TRIOBP: variants seen among roughly 807,000 people sequenced by gnomAD.
The protein encoded by TRIOBP is TRIO and F-actin binding protein.
TRIOBP carries 169 observed loss-of-function variants against 238.8 expected under a neutral mutation model. That is an observed-to-expected ratio of 0.71 (90% confidence interval 0.62 to 0.80). The LOEUF (loss-of-function observed/expected upper bound fraction) is 0.80. TRIOBP is among the 30% of genes least tolerant of loss of function. The probability of loss-of-function intolerance (pLI) is 0.00; values close to 1 mark genes in which losing one functional copy is unlikely to be tolerated. For missense variants in TRIOBP, 2,838 were observed against 3,122.6 expected, an observed-to-expected ratio of 0.91 and a Z score of 2.17; for synonymous variants, 1,150 against 1,274.4, an observed-to-expected ratio of 0.90 and a Z score of 2.08.
At chr22:37,712,957 AAAATAAATAAATAAATAAATAAAT>A (rs368169188) in intron 4 of TRIOBP, among the ~76,000 whole-genome samples, 2 of 138,388 alleles carry the variant, frequency 1.4e-5, no homozygotes, top group Admixed American at 7.1e-5. Context: ...ACTCTGTCTC[AAAATAAATAAATAAATAAATAAAT>A]AAATAAATAA....
intron 12 of TRIOBP, among the ~76,000 whole-genome samples, chr22:37,752,284 A>G (rs560510085): frequency 1.3e-5 from 2 of 152,308 alleles, no homozygotes; most frequent in Non-Finnish European, 2.9e-5. Flanking sequence ...CGTCTGTGAC[A>G]TGGGCATAAT....
At chr22:37,718,443 A>G (rs1427110969) in intron 6 of TRIOBP, among the ~76,000 whole-genome samples, 1 of 152,114 alleles carries the variant, frequency 6.6e-6, no homozygotes, top group African/African-American at 2.4e-5. Flanking sequence ...ACTGAGAGAA[A>G]GGCACCCTTA....
At chr22:37,759,530 G>A (rs771464737) in intron 17 of TRIOBP, 71 of 1,604,414 alleles carry the variant, frequency 4.4e-5, no homozygotes, top group Non-Finnish European at 5.3e-5. Flanking sequence ...GGATTTGAGC[G>A]AGGGTCCGGC....
At chr22:37,704,863 T>C (rs1922850825) in intron 3 of TRIOBP, among the ~76,000 whole-genome samples, 1 of 150,558 alleles carries the variant, frequency 6.6e-6, no homozygotes, top group South Asian at 2.1e-4. Flanking sequence ...ACTCAGGAGT[T>C]TGAGACCAGC....
intron 16 of TRIOBP, 29 bp downstream of exon 16, chr22:37,758,167 GC>G (rs1183975486): frequency 3.7e-6 from 6 of 1,609,350 alleles, no homozygotes; most frequent in Non-Finnish European, 5.1e-6. Context: ...TCTCTAGGAG[GC>G]CCCTTGCCCC....
rs911726704 is a variant in TRIOBP, at chr22:37,765,529, A to G, written c.6325-141A>G. 3.7e-6 allele frequency: 4 copies of G among 1,087,504 alleles called. No homozygotes were observed. The African/African-American group carries it at 4.7e-5, about 13-fold the overall frequency. The allele number at this position is 1,087,504 out of a possible 1,614,324, so 67.4% of individuals were successfully genotyped here. ...GGAGCCGTGGGGTGGGGGTGGGAGC[A>G]GGAGCAGGTGCAGACTGGAGGTGCT... On this transcript the variant is annotated intron_variant, in intron 17 of 23. Coordinates refer to ENST00000644935, the MANE Select transcript of TRIOBP (RefSeq NM_001039141.3).
At chr22:37,727,908 C>A (rs1420371432) in intron 7 of TRIOBP, among the ~76,000 whole-genome samples, 1 of 152,084 alleles carries the variant, frequency 6.6e-6, no homozygotes, top group Non-Finnish European at 1.5e-5. Flanking sequence ...GCTAGAATTC[C>A]ATTAGTTAGG....
At position 37,769,036 on chromosome 22, in the gene TRIOBP, T is replaced by C. The variant is rs1382116116; in HGVS notation, c.6584T>C (p.Val2195Ala). Residue 2195 changes from valine (V) to alanine (A), a missense_variant, in exon 20 of 24, where the codon GTG becomes GCG. Transcript: ENST00000644935. ...DGLRKQHQSD[V>A]EALKRELQVL... is the part of the protein sequence containing the mutation. ...CTCCTCCTCTGGGGCAGGTCAGATGTGGAGGCACTGAAGCGAGAGCTGCAG... is the reference window on the plus strand; with the variant it reads ...CTCCTCCTCTGGGGCAGGTCAGATGCGGAGGCACTGAAGCGAGAGCTGCAG... 3.7e-6 allele frequency: 6 copies of C among 1,613,272 alleles called. No individual in the cohort carries two copies. The highest frequency in any genetic ancestry group is 5.1e-6 in the Non-Finnish European group (6 of 1,180,020).
intron 3 of TRIOBP, among the ~76,000 whole-genome samples, chr22:37,703,503 C>CTTTTTT (rs372141125): frequency 8.0e-6 from 1 of 124,564 alleles, no homozygotes. Flanking sequence ...TGAAGGTCCT[C>CTTTTTT]TTTTTTTTTT....
chr22:37,707,761 G>A (rs1923018755), intron 3 of TRIOBP, among the ~76,000 whole-genome samples: 1 of 151,262 alleles, frequency 6.6e-6, no homozygotes, highest in Non-Finnish European at 1.5e-5. Context: ...GGCCAACATG[G>A]TGAAACCCCG....
chr22:37,771,373 C>T lies in TRIOBP; in HGVS notation c.6850-277C>T, dbSNP rs118079729. On this transcript the variant is annotated intron_variant, in intron 21 of 23. Transcript: ENST00000644935. Reference sequence around the variant, plus strand: ...GGCTTCTTTTCATCCATCTCACTCCCGAGGTGAGAGCCTGGTGCTGCATGA... The same window carrying T: ...GGCTTCTTTTCATCCATCTCACTCCTGAGGTGAGAGCCTGGTGCTGCATGA... Among the ~76,000 whole-genome samples the T allele has an allele frequency of 5.2e-4, 79 of 152,258 alleles. 1 individual carries two copies. The East Asian group carries it at 0.014, about 28-fold the overall frequency.
Position 37,723,670 on chromosome 22 carries a change from A to G in TRIOBP, c.1114A>G (p.Thr372Ala). 4 of 1,612,710 alleles carry G rather than the reference A, an allele frequency of 2.5e-6. No individual in the cohort carries two copies. Among genetic ancestry groups the G allele is most frequent in the Non-Finnish European group, 3.4e-6 (4 of 1,179,802 alleles). The change falls in exon 7 of 24, where the codon ACT (threonine) becomes GCT (alanine). Residue 372 changes from threonine (T) to alanine (A), a missense_variant. Physicochemically the swap from Thr to Ala is moderately conservative, Grantham distance 58. This residue lies in a region of TRIOBP where 535 missense variants were observed against 537.3 expected (regional missense o/e 1.00). Transcript: ENST00000644935. ...CCCCCAAACTTCTTTTCCTACTTGT[A>G]CTCCCCAGCGGGAAAACCCCAGGAC... ...DNPQTSFPTC[T>A]PQRENPRTPC...
At chr22:37,733,646 C>T (rs565021728) in intron 8 of TRIOBP, among the ~76,000 whole-genome samples, 83 of 150,618 alleles carry the variant, frequency 5.5e-4, no homozygotes, top group Admixed American at 2.3e-3. Flanking sequence ...CTATCCCCTT[C>T]CTTTACTAAG....
In TRIOBP at chr22:37,700,577, C is replaced by T. The variant is rs529234335; in HGVS notation, c.-60-729C>T. 2.0e-5 allele frequency among the ~76,000 whole-genome samples: 3 copies of T among 152,180 alleles called. No individual in the cohort carries two copies. In the South Asian group the frequency reaches 6.2e-4, roughly 32 times the overall value. On this transcript the variant is annotated intron_variant, in intron 2 of 23. Coordinates refer to ENST00000644935, the MANE Select transcript of TRIOBP (RefSeq NM_001039141.3). ...GACCACAGGCCTGCACCACCTTGCCCAGCTAATTTTTGTATTTTTTGTAGA... is the reference window on the plus strand; with the variant it reads ...GACCACAGGCCTGCACCACCTTGCCTAGCTAATTTTTGTATTTTTTGTAGA...
chr22:37,721,827 T>C (rs1003149657), intron 6 of TRIOBP, among the ~76,000 whole-genome samples: 1 of 152,148 alleles, frequency 6.6e-6, no homozygotes, highest in Admixed American at 6.5e-5. Flanking sequence ...ACTCTTCACC[T>C]AAAGCAGTAG....
intron 7 of TRIOBP, among the ~76,000 whole-genome samples, chr22:37,726,912 G>A (rs201238637): frequency 6.9e-6 from 1 of 145,766 alleles, no homozygotes; most frequent in Non-Finnish European, 1.5e-5. Flanking sequence ...TTTATTTTTT[G>A]TTTTTTTTTT....
chr22:37,710,901 C>T (rs1923203891), intron 4 of TRIOBP, among the ~76,000 whole-genome samples: 1 of 152,244 alleles, frequency 6.6e-6, no homozygotes, highest in African/African-American at 2.4e-5. Flanking sequence ...ACTCACCTTG[C>T]AGTGGGCATG....
chr22:37,715,689 T>A (rs1923474397), intron 5 of TRIOBP, 74 bp from the exon 6 acceptor site: 1 of 1,534,866 alleles, frequency 6.5e-7, no homozygotes, highest in African/African-American at 1.4e-5. Flanking sequence ...CTTCTGCCCC[T>A]CTCATTTGGA....
At chr22:37,773,177 GTGGTTGGT>G (rs3041692) in intron 23 of TRIOBP, among the ~76,000 whole-genome samples, 18,600 of 149,998 alleles carry the variant, frequency 0.12, 1,409 homozygotes, top group South Asian at 0.17. Flanking sequence ...AGGGCTCAAA[GTGGTTGGT>G]TGGTTGGTTG....
Sources: gnomAD v4.1 joint callset for allele counts (sites outside exome capture counted in the v4.1 genomes callset) on GRCh38, gnomAD v4.1.1 for gene constraint, gnomAD v4.1.1 regional missense constraint, MANE v1.5 for transcripts, NCBI Gene and HGNC (gene_info 2026-07-23, HGNC 2026-07-21) for gene names.